Variants in MACROD2 observed in about 807,000 individuals in gnomAD.
The protein encoded by MACROD2 is mono-ADP ribosylhydrolase 2, also known as ADP-ribose glycohydrolase MACROD2.
In MACROD2, 36 loss-of-function variants were observed where a neutral mutation model predicts 70.4. The observed-to-expected ratio is 0.51, with a 90% CI of 0.39 to 0.68. The LOEUF is 0.68. Ranked by LOEUF, MACROD2 falls within the 30% of genes least tolerant of loss-of-function variation. The pLI is 0.00. For synonymous variants in MACROD2, 172 were observed against 178.8 expected (o/e 0.96, Z 0.30); for missense variants, 496 against 538.4 (o/e 0.92, Z 0.78).
At chr20:14,666,720 G>A (rs1402631500) in intron 4 of MACROD2, among the ~76,000 whole-genome samples, 1 of 151,576 alleles carries the variant, frequency 6.6e-6, no homozygotes, top group East Asian at 1.9e-4. Context: ...TGATATACTA[G>A]ATACCAATTA....
intron 5 of MACROD2, among the ~76,000 whole-genome samples, chr20:15,118,664 G>A (rs1312728192): frequency 6.6e-6 from 1 of 152,124 alleles, no homozygotes; most frequent in Non-Finnish European, 1.5e-5. Context: ...TACTATTATG[G>A]TCTTCAGACA....
chr20:14,575,672 T>A (rs1980550228), intron 4 of MACROD2, among the ~76,000 whole-genome samples: 1 of 152,214 alleles, frequency 6.6e-6, no homozygotes, highest in African/African-American at 2.4e-5. Context: ...AGTTTATTAA[T>A]GTTGGCATAT....
intron 8 of MACROD2, among the ~76,000 whole-genome samples, chr20:15,614,613 T>A (rs1303548620): frequency 6.6e-6 from 1 of 152,152 alleles, no homozygotes; most frequent in Admixed American, 6.5e-5. Flanking sequence ...CACTACCTAT[T>A]GCTCAGTATA....
intron 3 of MACROD2, among the ~76,000 whole-genome samples, chr20:14,342,615 C>G (rs540287650): frequency 6.6e-6 from 1 of 152,208 alleles, no homozygotes; most frequent in South Asian, 2.1e-4. Context: ...CTCAACAATT[C>G]CAAAGGGTAT....
intron 5 of MACROD2, among the ~76,000 whole-genome samples, chr20:15,065,500 A>G (rs1357927768): frequency 2.0e-5 from 3 of 151,976 alleles, no homozygotes; most frequent in Non-Finnish European, 4.4e-5. Flanking sequence ...CTAAAAATAC[A>G]AAAAATTAGC....
chr20:14,304,867 C>T (rs1274788679), intron 3 of MACROD2, among the ~76,000 whole-genome samples: 1 of 151,902 alleles, frequency 6.6e-6, no homozygotes, highest in African/African-American at 2.4e-5. Context: ...TTAGCTGCCC[C>T]ATATTTTCCT....
intron 8 of MACROD2, among the ~76,000 whole-genome samples, chr20:15,816,025 C>A (rs367618877): frequency 2.7e-4 from 41 of 151,922 alleles, no homozygotes; most frequent in Admixed American, 8.5e-4. Context: ...TCTCCCTCTG[C>A]GTGTGTGTGT....
At chr20:15,557,727 A>T (rs112733053) in intron 8 of MACROD2, among the ~76,000 whole-genome samples, 34 of 152,318 alleles carry the variant, frequency 2.2e-4, no homozygotes, top group African/African-American at 8.2e-4. Flanking sequence ...CTCATGATGG[A>T]ACACAGAGAG....
chr20:15,000,492 G>A lies in MACROD2; in HGVS notation c.419-229448G>A, dbSNP rs552061718. Among the ~76,000 whole-genome samples the A allele has an allele frequency of 9.9e-3, 1,431 of 143,826 alleles. 187 individuals carry two copies. Among genetic ancestry groups the A allele is most frequent in the African/African-American group, 0.038 (1,355 of 35,890 alleles). The allele number at this position is 143,826 out of a possible 152,430, so 94.4% of individuals were successfully genotyped here. On this transcript the variant is annotated intron_variant, in intron 5 of 17. Transcript: ENST00000684519. ...CAAAAAATTAGCCGGGCGCGGTGGC[G>A]GGCGCCTGTAGTCCCAGCTACTGGG...
chr20:15,715,511 C>A (rs946190288), intron 8 of MACROD2, among the ~76,000 whole-genome samples: 11 of 152,062 alleles, frequency 7.2e-5, no homozygotes, highest in African/African-American at 2.7e-4. Context: ...GATGTTTTTG[C>A]ATAAAAAGAT....
chr20:15,669,176 A>T (rs1226760837), intron 8 of MACROD2, among the ~76,000 whole-genome samples: 1 of 152,228 alleles, frequency 6.6e-6, no homozygotes, highest in Non-Finnish European at 1.5e-5. Flanking sequence ...ATAAAAGGAA[A>T]CACATTGTAC....
chr20:14,785,187 C>CCA (rs1245176238), intron 5 of MACROD2, among the ~76,000 whole-genome samples: 47 of 150,718 alleles, frequency 3.1e-4, no homozygotes, highest in African/African-American at 1.1e-3. Flanking sequence ...ACACACACAC[C>CCA]CACACACACA....
chr20:15,282,162 T>G (rs2077451572), intron 6 of MACROD2, among the ~76,000 whole-genome samples: 1 of 152,160 alleles, frequency 6.6e-6, no homozygotes, highest in Admixed American at 6.5e-5. Context: ...TGAAACCATG[T>G]TTTCCTCCTA....
chr20:15,945,859 A>G (rs2065815528), intron 12 of MACROD2, among the ~76,000 whole-genome samples: 1 of 152,138 alleles, frequency 6.6e-6, no homozygotes, highest in African/African-American at 2.4e-5. Context: ...TGCCTCCCGT[A>G]TCATGAATTT....
At chr20:14,499,136 C>T (rs1394038338) in intron 4 of MACROD2, among the ~76,000 whole-genome samples, 1 of 152,174 alleles carries the variant, frequency 6.6e-6, no homozygotes, top group Non-Finnish European at 1.5e-5. Context: ...GAGAGAGCAG[C>T]ATGGCAGGAG....
chr20:15,615,655 C>G (rs1568930414), intron 8 of MACROD2, among the ~76,000 whole-genome samples: 1 of 152,162 alleles, frequency 6.6e-6, no homozygotes, highest in Non-Finnish European at 1.5e-5. Flanking sequence ...CCACACCCAC[C>G]ATGGTCCAAG....
At chr20:14,177,244 T>C (rs966575996) in intron 3 of MACROD2, among the ~76,000 whole-genome samples, 1 of 150,516 alleles carries the variant, frequency 6.6e-6, no homozygotes, top group Non-Finnish European at 1.5e-5. Context: ...AAGAGAAAAC[T>C]ACAAGTGATG....
In MACROD2 at chr20:15,239,245, G is replaced by A. The variant is rs146267707; in HGVS notation, c.540+9184G>A. ...ATGGAATCTAAGCTATTCTTAAGGTGTTGAACTCAGAAACCAAAGGAGAAA... is the reference window on the plus strand; with the variant it reads ...ATGGAATCTAAGCTATTCTTAAGGTATTGAACTCAGAAACCAAAGGAGAAA... On this transcript the variant is annotated intron_variant, in intron 6 of 17. Transcript: ENST00000684519. Among the ~76,000 whole-genome samples, 1,206 of 142,988 alleles carry A rather than the reference G, an allele frequency of 8.4e-3. 7 individuals are homozygous for A. The highest frequency in any genetic ancestry group is 0.011 in the Admixed American group (149 of 13,710). The allele number at this position is 142,988 out of a possible 152,430, so 93.8% of individuals were successfully genotyped here. A position where few individuals can be genotyped will look rare whatever the true frequency, so the allele number is the denominator to read the frequency against.
intron 2 of MACROD2, among the ~76,000 whole-genome samples, chr20:14,060,371 A>G (rs111853697): frequency 6.6e-6 from 1 of 152,176 alleles, no homozygotes; most frequent in Non-Finnish European, 1.5e-5. Context: ...AAATTTTTGC[A>G]TGTAGGAGTG....
Sources: allele counts gnomAD v4.1 joint callset (sites outside exome capture counted in the v4.1 genomes callset), GRCh38; gene constraint gnomAD v4.1.1; transcripts MANE v1.5; gene names NCBI Gene and HGNC (gene_info 2026-07-23, HGNC 2026-07-21).